The following PATJ variants were observed in gnomAD, a reference collection of about 807,000 sequenced individuals.
The protein encoded by PATJ is PATJ crumbs cell polarity complex component, also known as inaD-like protein.
In PATJ, 190 loss-of-function variants were observed where a neutral mutation model predicts 224.9. The ratio of observed to expected loss-of-function variants is 0.84; its 90% confidence interval spans 0.75 to 0.95. The LOEUF is 0.95. Among genes scored for constraint, PATJ ranks in the 40% least tolerant of loss-of-function variants. The pLI is 0.00. For synonymous variants in PATJ, 769 were observed against 820.3 expected (o/e 0.94, Z 1.07); for missense variants, 2,121 against 2,270.3 (o/e 0.93, Z 1.34).
intron 17 of PATJ, chr1:61,852,632 G>C (rs902954890): frequency 6.6e-6 from 1 of 152,150 alleles, no homozygotes; most frequent in Admixed American, 6.6e-5. Flanking sequence ...GGGGCCTGGG[G>C]GTTGGGTAAG....
intron 41 of PATJ, 85 bp downstream of exon 41, chr1:62,129,030 G>T (rs571037998): frequency 1.2e-6 from 1 of 818,206 alleles, no homozygotes; most frequent in Non-Finnish European, 2.1e-6. Flanking sequence ...AGTAGACATC[G>T]CCACCCAGCA....
At chr1:61,940,202 G>T (rs76738047) in intron 27 of PATJ, among the ~76,000 whole-genome samples, 1,875 of 152,058 alleles carry the variant, frequency 0.012, 38 homozygotes, top group African/African-American at 0.042. Context: ...GGAGCAAGTC[G>T]CATCTATTTC....
At chr1:62,137,754 C>G (rs928000494) in intron 41 of PATJ, among the ~76,000 whole-genome samples, 3 of 151,974 alleles carry the variant, frequency 2.0e-5, no homozygotes, top group Admixed American at 6.6e-5. Flanking sequence ...GCAAACGTCT[C>G]TAACTGTTCC....
At chr1:62,048,858 AT>A (rs1184478146) in intron 30 of PATJ, among the ~76,000 whole-genome samples, 3 of 152,188 alleles carry the variant, frequency 2.0e-5, no homozygotes, top group African/African-American at 7.2e-5. Flanking sequence ...TGGATTTCAG[AT>A]TTTTCATTTT....
chr1:61,807,519 T>C (rs1653835766), intron 13 of PATJ, among the ~76,000 whole-genome samples: 1 of 152,182 alleles, frequency 6.6e-6, no homozygotes, highest in South Asian at 2.1e-4. Flanking sequence ...TTAAATTTCA[T>C]TTATTTATTA....
chr1:61,844,218 T>C (rs1398135971), intron 17 of PATJ, among the ~76,000 whole-genome samples: 1 of 152,214 alleles, frequency 6.6e-6, no homozygotes, highest in Non-Finnish European at 1.5e-5. Flanking sequence ...GGAATTGAGG[T>C]CTGCTGTGTG....
At chr1:61,760,486 GT>G (rs1645902520) in intron 1 of PATJ, among the ~76,000 whole-genome samples, 1 of 152,052 alleles carries the variant, frequency 6.6e-6, no homozygotes, top group Non-Finnish European at 1.5e-5. Flanking sequence ...ATAGCAAAGG[GT>G]TTTGCTAGCC....
At chr1:61,813,535 A>G (rs971900722) in intron 14 of PATJ, among the ~76,000 whole-genome samples, 7 of 151,908 alleles carry the variant, frequency 4.6e-5, no homozygotes, top group Admixed American at 2.0e-4. Flanking sequence ...TCAAATATGT[A>G]TTATATGTAC....
intron 1 of PATJ, among the ~76,000 whole-genome samples, chr1:61,757,046 G>T (rs1226223594): frequency 6.7e-6 from 1 of 150,180 alleles, no homozygotes; most frequent in East Asian, 2.0e-4. Flanking sequence ...GTAGCTTGCA[G>T]ACTGTCATGG....
At chr1:61,987,666 A>G (rs758136223) in intron 27 of PATJ, among the ~76,000 whole-genome samples, 13 of 152,178 alleles carry the variant, frequency 8.5e-5, no homozygotes, top group Non-Finnish European at 1.8e-4. Flanking sequence ...TAAACAGCCT[A>G]TCAATTAACC....
chr1:61,904,065 C>A (rs886690381), intron 24 of PATJ, among the ~76,000 whole-genome samples: 1 of 152,086 alleles, frequency 6.6e-6, no homozygotes, highest in Non-Finnish European at 1.5e-5. Flanking sequence ...TGAGCCATTG[C>A]GCCCGGACAG....
intron 29 of PATJ, among the ~76,000 whole-genome samples, chr1:62,024,100 T>A (rs1647303087): frequency 6.6e-6 from 1 of 152,192 alleles, no homozygotes; most frequent in African/African-American, 2.4e-5. Context: ...TTCGGTTTGC[T>A]AATATTTTGT....
At position 61,952,292 on chromosome 1, in the gene PATJ, AG is replaced by A. The variant is rs981741938; in HGVS notation, c.3670+24465del. Reference sequence around the variant, plus strand: ...AGAGAGAGAGAGAAAAATAGGCCCAAGGTCGTCAGAAGAGAGAGGAGTCTGT... The same window carrying A: ...AGAGAGAGAGAGAAAAATAGGCCCAAGTCGTCAGAAGAGAGAGGAGTCTGT... On this transcript the variant is annotated intron_variant, in intron 27 of 43. Transcript: ENST00000642238. 1.3e-4 allele frequency: 61 copies of A among 454,338 alleles called. 1 individual carries two copies. In the African/African-American group the frequency reaches 2.2e-3, roughly 16 times the overall value. The allele number at this position is 454,338 out of a possible 1,614,324, so 28.1% of individuals were successfully genotyped here.
chr1:61,810,174 C>T (rs1270231952), intron 14 of PATJ, among the ~76,000 whole-genome samples: 1 of 152,078 alleles, frequency 6.6e-6, no homozygotes, highest in East Asian at 1.9e-4. Context: ...AAGGCTGACA[C>T]TTGAGAGTCT....
intron 1 of PATJ, among the ~76,000 whole-genome samples, chr1:61,761,024 G>A (rs1041807136): frequency 1.3e-5 from 2 of 152,014 alleles, no homozygotes; most frequent in African/African-American, 4.8e-5. Context: ...TGTCACCCAG[G>A]CTGGAGTGCA....
chr1:62,144,732 T>G lies in PATJ; in HGVS notation c.5272-3552T>G, dbSNP rs1056970421. 4.9e-5 allele frequency among the ~76,000 whole-genome samples: 7 copies of G among 142,326 alleles called. No individual in the cohort carries two copies. In the Admixed American group the frequency reaches 5.3e-4, roughly 11 times the overall value. 93.4% of individuals were successfully genotyped at this position (142,326 alleles called of 152,430 possible). A position where few individuals can be genotyped will look rare whatever the true frequency, so the allele number is the denominator to read the frequency against. On this transcript the variant is annotated intron_variant, in intron 41 of 43. Transcript: ENST00000642238. ...CTGTTGTGGACTCCCAGAGCTATAC[T>G]ATATTTCTTCTAAATGCTCTAGAAT...
chr1:62,005,683 G>A (rs917297912), intron 28 of PATJ, among the ~76,000 whole-genome samples: 4 of 152,010 alleles, frequency 2.6e-5, no homozygotes, highest in African/African-American at 9.7e-5. Flanking sequence ...CCTTGAACCT[G>A]GGAGTTAGAG....
intron 20 of PATJ, among the ~76,000 whole-genome samples, chr1:61,872,144 A>G (rs1397223858): frequency 3.0e-4 from 45 of 152,114 alleles, no homozygotes; most frequent in Non-Finnish European, 1.5e-5. Flanking sequence ...AATGGCCCCA[A>G]ATTACAACCT....
At chr1:62,081,066 A>G (rs1334119859) in intron 32 of PATJ, among the ~76,000 whole-genome samples, 1 of 152,162 alleles carries the variant, frequency 6.6e-6, no homozygotes, top group Non-Finnish European at 1.5e-5. Flanking sequence ...TCACACTATA[A>G]TGATGGAGTT....
Sources: gnomAD v4.1 joint callset for allele counts (sites outside exome capture counted in the v4.1 genomes callset) on GRCh38, gnomAD v4.1.1 for gene constraint, MANE v1.5 for transcripts, NCBI Gene and HGNC (gene_info 2026-07-23, HGNC 2026-07-21) for gene names.